Variants in FBXO47 observed in about 807,000 individuals in gnomAD.
FBXO47 encodes F-box only protein 47.
Under a neutral mutation model 53.9 loss-of-function variants are expected in FBXO47, and 34 were observed. The observed-to-expected ratio is 0.63, with a 90% CI of 0.48 to 0.84. The LOEUF (loss-of-function observed/expected upper bound fraction) is 0.84, where lower values mean the gene tolerates loss of function less well. Among genes scored for constraint, FBXO47 ranks in the 40% least tolerant of loss-of-function variants. The pLI is 0.00. For synonymous variants in FBXO47, 165 were observed against 181.6 expected (o/e 0.91, Z 0.73); for missense variants, 485 against 541.3 (o/e 0.90, Z 1.03).
intron 6 of FBXO47, among the ~76,000 whole-genome samples, chr17:38,947,264 C>T (rs1904995132): frequency 6.6e-6 from 1 of 151,512 alleles, no homozygotes; most frequent in African/African-American, 2.4e-5. Context: ...CTCACAACTG[C>T]ACTCCAGCCT....
intron 6 of FBXO47, among the ~76,000 whole-genome samples, chr17:38,948,065 G>C (rs1406497055): frequency 6.6e-6 from 1 of 151,998 alleles, no homozygotes; most frequent in Non-Finnish European, 1.5e-5. Flanking sequence ...CATCACCACA[G>C]CCAATTTTAG....
At chr17:38,961,509 A>G (rs994098339) in intron 3 of FBXO47, among the ~76,000 whole-genome samples, 8 of 152,224 alleles carry the variant, frequency 5.3e-5, no homozygotes, top group South Asian at 2.1e-4. Context: ...TTAAATTTCT[A>G]TTTTAAAGGA....
chr17:38,952,324 A>G lies in FBXO47; in HGVS notation c.508-635T>C, dbSNP rs147431964. Among the ~76,000 whole-genome samples the G allele has an allele frequency of 2.3e-3, 351 of 152,256 alleles. 1 individual carries two copies. The highest frequency in any genetic ancestry group is 8.2e-3 in the African/African-American group (342 of 41,566). On this transcript the variant is annotated intron_variant, in intron 5 of 10. Transcript: ENST00000378079. ...GCAACAGACAGAAACTCTGTCTCAAAAACAAAACAAAACAAAAACAACACA... is the reference window on the plus strand; with the variant it reads ...GCAACAGACAGAAACTCTGTCTCAAGAACAAAACAAAACAAAAACAACACA...
chr17:38,960,371 T>C (rs1208328677), intron 3 of FBXO47, among the ~76,000 whole-genome samples: 1 of 152,002 alleles, frequency 6.6e-6, no homozygotes, highest in Non-Finnish European at 1.5e-5. Flanking sequence ...ATAAACCAAG[T>C]GTTTGCATCA....
chr17:38,938,151 G>A lies in FBXO47; in HGVS notation c.1243+422C>T, dbSNP rs920876311. On this transcript the variant is annotated intron_variant, in intron 10 of 10. Coordinates refer to ENST00000378079, the MANE Select transcript of FBXO47 (RefSeq NM_001008777.3). ...AGTCAGGTAACTTCTCTAAGCCTTA[G>A]TTTTCTCATCTGTAAAATAGGGTTA... Among the ~76,000 whole-genome samples the A allele has an allele frequency of 5.9e-5, 9 of 152,252 alleles. No homozygotes were observed. In the Middle Eastern group the frequency reaches 0.01, roughly 173 times the overall value.
chr17:38,944,859 T>A (rs1342498465), intron 7 of FBXO47, 101 bp downstream of exon 7: 6 of 840,970 alleles, frequency 7.1e-6, no homozygotes, highest in Non-Finnish European at 9.5e-6. Context: ...TGTGTGTGTG[T>A]GTGTGTGTGT....
At chr17:38,953,243 C>T (rs758681781) in intron 5 of FBXO47, among the ~76,000 whole-genome samples, 7 of 150,948 alleles carry the variant, frequency 4.6e-5, no homozygotes, top group East Asian at 2.0e-4. Flanking sequence ...CACTTGAACC[C>T]GGGAGGCCGA....
Position 38,955,813 on chromosome 17 carries a change from C to T in FBXO47, c.430-880G>A, listed in dbSNP as rs564330906. ...TCTCTACTAAGAATACAAAAATTTGCTGGGCGTGGTGGCGCACGCCTGTAA... is the reference window on the plus strand; with the variant it reads ...TCTCTACTAAGAATACAAAAATTTGTTGGGCGTGGTGGCGCACGCCTGTAA... On this transcript the variant is annotated intron_variant, in intron 4 of 10. Coordinates refer to ENST00000378079, the MANE Select transcript of FBXO47 (RefSeq NM_001008777.3). 1.3e-4 allele frequency among the ~76,000 whole-genome samples: 19 copies of T among 151,930 alleles called. No individual in the cohort carries two copies. In the South Asian group the frequency reaches 1.7e-3, roughly 13 times the overall value.
At chr17:38,950,215 T>C (rs1161593100) in intron 6 of FBXO47, among the ~76,000 whole-genome samples, 1 of 151,878 alleles carries the variant, frequency 6.6e-6, no homozygotes, top group Non-Finnish European at 1.5e-5. Flanking sequence ...TCAAATCTAC[T>C]TTCTGTCTCT....
At chr17:38,964,586 G>A (rs1277215255) in intron 1 of FBXO47, among the ~76,000 whole-genome samples, 2 of 151,854 alleles carry the variant, frequency 1.3e-5, no homozygotes, top group Admixed American at 6.6e-5. Context: ...GCTTGAACCC[G>A]GGAGGCGGAG....
At chr17:38,941,624 A>T (rs948657399) in intron 9 of FBXO47, among the ~76,000 whole-genome samples, 1 of 132,934 alleles carries the variant, frequency 7.5e-6, no homozygotes, top group African/African-American at 3.3e-5. Flanking sequence ...ATAATATTAT[A>T]TATATATATA....
chr17:38,946,431 T>C (rs1473986355), intron 6 of FBXO47, among the ~76,000 whole-genome samples: 5 of 95,290 alleles, frequency 5.2e-5, no homozygotes, highest in Non-Finnish European at 1.8e-5. Flanking sequence ...ACTATATAAA[T>C]ATATATGAAT....
At chr17:38,962,271 G>A (rs1567723177) in intron 2 of FBXO47, among the ~76,000 whole-genome samples, 1 of 152,098 alleles carries the variant, frequency 6.6e-6, no homozygotes, top group Non-Finnish European at 1.5e-5. Context: ...CATAATTACA[G>A]GCATGTTTTC....
At chr17:38,955,175 C>G (rs1413745154) in intron 4 of FBXO47, among the ~76,000 whole-genome samples, 1 of 151,974 alleles carries the variant, frequency 6.6e-6, no homozygotes, top group African/African-American at 2.4e-5. Context: ...ATCACGAGGT[C>G]AGGAGATCGA....
rs755262271 is a variant in FBXO47 at position 38,942,870 on chromosome 17, T to C, written c.991A>G (p.Ser331Gly). Residue 331 changes from serine (S) to glycine (G), a missense_variant, in exon 9 of 11, where the codon AGT (serine) becomes GGT (glycine). Ser to Gly is a moderately conservative substitution (Grantham distance 56). Coordinates refer to ENST00000378079, the MANE Select transcript of FBXO47 (RefSeq NM_001008777.3). ...LENNARLLML[S>G]GNNICFSFMA... ...AAACTGAAACAGATGTTGTTTCCAC[T>C]TAGCATTAGGAGACGTGCATTATTC... is the stretch of plus-strand genomic sequence containing the variant. The C allele has an allele frequency of 1.4e-5, 22 of 1,613,690 alleles. No individual in the cohort carries two copies. Among genetic ancestry groups the C allele is most frequent in the Admixed American group, 6.7e-5 (4 of 59,924 alleles).
rs141759242 is a variant in FBXO47, at chr17:38,962,290, A to G, written c.182-243T>C. Among the ~76,000 whole-genome samples, 9 of 152,320 alleles carry G rather than the reference A, an allele frequency of 5.9e-5. No homozygotes were observed. In the East Asian group the frequency reaches 1.7e-3, roughly 29 times the overall value. ...ATTACAGGCATGTTTTCAAGAGTTT[A>G]AGTACTGCTGTGTTCAAAGGAAGAT... is the stretch of plus-strand genomic sequence containing the variant. On this transcript the variant is annotated intron_variant, in intron 2 of 10. Coordinates refer to ENST00000378079, the MANE Select transcript of FBXO47 (RefSeq NM_001008777.3).
At chr17:38,966,761 C>T (rs997356577) in intron 1 of FBXO47, among the ~76,000 whole-genome samples, 2 of 152,152 alleles carry the variant, frequency 1.3e-5, no homozygotes, top group Admixed American at 6.5e-5. Context: ...ATTTTCCTCA[C>T]TCAGAGCTGG....
chr17:38,952,910 T>C (rs1428055845), intron 5 of FBXO47, among the ~76,000 whole-genome samples: 1 of 146,504 alleles, frequency 6.8e-6, no homozygotes, highest in Non-Finnish European at 1.5e-5. Context: ...TGCATCAGCC[T>C]CCCAAAGTGC....
At chr17:38,965,723 A>C (rs1477977481) in intron 1 of FBXO47, among the ~76,000 whole-genome samples, 4 of 144,598 alleles carry the variant, frequency 2.8e-5, no homozygotes, top group African/African-American at 1.0e-4. Flanking sequence ...AAAAAAAAAA[A>C]AAAAAAAAAA....
Sources: gnomAD v4.1 joint callset for allele counts (sites outside exome capture counted in the v4.1 genomes callset) on GRCh38, gnomAD v4.1.1 for gene constraint, MANE v1.5 for transcripts, NCBI Gene and HGNC (gene_info 2026-07-23, HGNC 2026-07-21) for gene names.